ADAM12: variants seen among roughly 807,000 people sequenced by gnomAD.
ADAM12 encodes the protein ADAM metallopeptidase domain 12, also known as disintegrin and metalloproteinase domain-containing protein 12.
A neutral mutation model predicts 106.4 loss-of-function variants in ADAM12; 70 were observed. The observed-to-expected ratio is 0.66, with a 90% CI of 0.54 to 0.80. The LOEUF is 0.80. ADAM12 is among the 30% of genes least tolerant of loss of function. The pLI is 0.00. For missense variants in ADAM12, 1,010 were observed against 1,171.9 expected (o/e 0.86, Z 2.02); for synonymous variants, 420 against 433.5 (o/e 0.97, Z 0.39).
intron 2 of ADAM12, among the ~76,000 whole-genome samples, chr10:126,292,909 T>C (rs1000347010): frequency 6.6e-6 from 1 of 152,182 alleles, no homozygotes; most frequent in South Asian, 2.1e-4. Context: ...CAAAATCGCC[T>C]GGAGTGCTTA....
intron 1 of ADAM12, among the ~76,000 whole-genome samples, chr10:126,332,429 A>C (rs906367684): frequency 6.6e-6 from 1 of 152,246 alleles, no homozygotes; most frequent in African/African-American, 2.4e-5. Flanking sequence ...GATGAAAAGA[A>C]GACCATTTCA....
rs773843290 is a variant in ADAM12, at chr10:126,049,651, C to G, written c.1628G>C (p.Gly543Ala). Reference protein sequence around the residue: ...LWGPGAKPAPGICFERVNSAG... With the variant: ...LWGPGAKPAPAICFERVNSAG... ...AGAATTGACTCTCTCAAAGCAGATC[C>G]CAGGGGCAGGTTTAGCACCTGAAAC... The change falls in exon 15 of 23, where the codon GGG (glycine) becomes GCG (alanine). Residue 543 changes from glycine to alanine, a missense_variant. By Grantham distance (60) the Gly-to-Ala change is moderately conservative. This residue lies in a region of ADAM12 where 615 missense variants were observed against 708.5 expected (regional missense o/e 0.87). Coordinates refer to ENST00000448723, the MANE Select transcript of ADAM12 (RefSeq NM_001288973.2). This position sits in a 1 kb window ranked among gnomAD's most constrained non-coding sequence, Gnocchi z 4.4. 2 of 1,614,016 alleles carry G rather than the reference C, an allele frequency of 1.2e-6. No homozygotes were observed. Among genetic ancestry groups the G allele is most frequent in the Non-Finnish European group, 1.7e-6 (2 of 1,180,032 alleles).
intron 21 of ADAM12, among the ~76,000 whole-genome samples, chr10:126,023,023 A>T (rs573796795): frequency 1.7e-4 from 26 of 152,304 alleles, no homozygotes; most frequent in South Asian, 2.1e-4. Context: ...TCAACTTCAC[A>T]TGGTAAACGA....
rs1031881760 is a variant in ADAM12 at position 126,015,452 on chromosome 10, C to G, written c.*1827G>C. ...TCAGTTACAGTAATTCTGTATGTAT[C>G]TCAGCAGTATTATTTTCCAGCATGG... On this transcript the variant is annotated 3_prime_UTR_variant, in exon 23 of 23. Coordinates refer to ENST00000448723, the MANE Select transcript of ADAM12 (RefSeq NM_001288973.2). The G allele has an allele frequency of 2.6e-5, 4 of 152,144 alleles. No homozygotes were observed. The highest frequency in any genetic ancestry group is 5.9e-5 in the Non-Finnish European group (4 of 68,020). 9.4% of individuals were successfully genotyped at this position (152,144 alleles called of 1,614,324 possible).
chr10:126,079,577 C>T (rs1955173088), intron 11 of ADAM12, among the ~76,000 whole-genome samples: 1 of 152,190 alleles, frequency 6.6e-6, no homozygotes, highest in South Asian at 2.1e-4. Context: ...ATCTGCTCAT[C>T]TGTTAATGAT....
At chr10:126,060,083 T>C (rs1000393124) in intron 14 of ADAM12, among the ~76,000 whole-genome samples, 11 of 152,066 alleles carry the variant, frequency 7.2e-5, no homozygotes, top group African/African-American at 1.2e-4. Flanking sequence ...AAAATTATAC[T>C]CTCAGCCAAC....
rs1676729 is a variant in ADAM12 at position 126,157,817 on chromosome 10, C to T, written c.261-2512G>A. Among the ~76,000 whole-genome samples, 608 of 142,554 alleles carry T rather than the reference C, an allele frequency of 4.3e-3. 7 individuals carry two copies. The highest frequency in any genetic ancestry group is 0.015 in the African/African-American group (590 of 40,128). The allele number at this position is 142,554 out of a possible 152,430, so 93.5% of individuals were successfully genotyped here. A position where few individuals can be genotyped will look rare whatever the true frequency, so the allele number is the denominator to read the frequency against. ...GGGGCTGCCTGGGCAGGCTCATTCACAGGGCACCCTGGCCCTGTCACGCAG... is the reference window on the plus strand; with the variant it reads ...GGGGCTGCCTGGGCAGGCTCATTCATAGGGCACCCTGGCCCTGTCACGCAG... On this transcript the variant is annotated intron_variant, in intron 3 of 22. Transcript: ENST00000448723.
At position 126,199,520 on chromosome 10, in the gene ADAM12, T is replaced by G. The variant is rs149851183; in HGVS notation, c.261-44215A>C. ...GGATTCTACCGCAGAAACGCTCCCA[T>G]AAACCTCTGCTCATCAAGTGTCATC... On this transcript the variant is annotated intron_variant, in intron 3 of 22. Transcript: ENST00000448723. Among the ~76,000 whole-genome samples, 253 of 152,252 alleles carry G rather than the reference T, an allele frequency of 1.7e-3. 2 individuals are homozygous for G. The highest frequency in any genetic ancestry group is 6.0e-3 in the African/African-American group (248 of 41,540).
chr10:126,294,216 A>C (rs1163515082), intron 2 of ADAM12, among the ~76,000 whole-genome samples: 1 of 152,228 alleles, frequency 6.6e-6, no homozygotes, highest in Non-Finnish European at 1.5e-5. Flanking sequence ...ACAAAGTCAA[A>C]GTCATCATTA....
chr10:126,294,498 T>G (rs1358092034), intron 2 of ADAM12, among the ~76,000 whole-genome samples: 1 of 152,150 alleles, frequency 6.6e-6, no homozygotes, highest in African/African-American at 2.4e-5. Context: ...CCCGCGACAG[T>G]CTCGGCTGTT....
At chr10:126,095,353 T>C (rs978258753) in intron 10 of ADAM12, among the ~76,000 whole-genome samples, 4 of 151,614 alleles carry the variant, frequency 2.6e-5, no homozygotes, top group Admixed American at 6.6e-5. Context: ...GCTAACACAG[T>C]TAAACCCTGT....
chr10:126,139,485 T>C (rs1956470173), intron 4 of ADAM12, among the ~76,000 whole-genome samples: 1 of 152,210 alleles, frequency 6.6e-6, no homozygotes, highest in Admixed American at 6.5e-5. Context: ...GTATCTTTTT[T>C]CTATGTTGCT....
chr10:126,028,211 T>G (rs1953912244), intron 21 of ADAM12, among the ~76,000 whole-genome samples: 2 of 152,208 alleles, frequency 1.3e-5, no homozygotes. Context: ...CATTCCATGC[T>G]TATGGATAGA....
intron 2 of ADAM12, among the ~76,000 whole-genome samples, chr10:126,279,380 A>G (rs1485869123): frequency 1.3e-5 from 2 of 151,006 alleles, no homozygotes; most frequent in Non-Finnish European, 2.9e-5. Flanking sequence ...GCAGTGAGCT[A>G]TGGTCACGCC....
At chr10:126,071,001 C>T (rs1324129458) in intron 12 of ADAM12, among the ~76,000 whole-genome samples, 1 of 152,146 alleles carries the variant, frequency 6.6e-6, no homozygotes, top group Non-Finnish European at 1.5e-5. Context: ...GCAGAAGCCT[C>T]AAGTCATGCA....
chr10:126,111,825 G>T (rs1451654138), intron 6 of ADAM12, among the ~76,000 whole-genome samples: 1 of 152,050 alleles, frequency 6.6e-6, no homozygotes, highest in Non-Finnish European at 1.5e-5. Flanking sequence ...CAGGGCGGAG[G>T]TTTATTCTCC....
At chr10:126,198,131 G>A (rs1186737959) in intron 3 of ADAM12, among the ~76,000 whole-genome samples, 1 of 152,246 alleles carries the variant, frequency 6.6e-6, no homozygotes, top group Non-Finnish European at 1.5e-5. Context: ...TACGGGCCTT[G>A]CTCTCCTCCC....
At position 126,012,890 on chromosome 10, in the gene ADAM12, CAT is replaced by C. The variant is rs1461826723; in HGVS notation, c.*4387_*4388del. The C allele has an allele frequency of 6.6e-6, 1 of 152,112 alleles. No homozygotes were observed. The highest frequency in any genetic ancestry group is 2.4e-5 in the African/African-American group (1 of 41,414). 9.4% of individuals were successfully genotyped at this position (152,112 alleles called of 1,614,324 possible). On this transcript the variant is annotated 3_prime_UTR_variant, in exon 23 of 23. Transcript: ENST00000448723. ...TTTTTTTGTAAAGCTAAAATAATCA[CAT>C]GATACTTATTCTTTGGAGGATTTAA... is the stretch of plus-strand genomic sequence containing the variant.
intron 14 of ADAM12, among the ~76,000 whole-genome samples, chr10:126,063,234 G>A (rs376840114): frequency 1.3e-5 from 2 of 152,262 alleles, no homozygotes; most frequent in Middle Eastern, 3.4e-3. Context: ...CTCAGAGGCC[G>A]AGCTAAAGAG....
Sources: gnomAD v4.1 joint callset for allele counts (sites outside exome capture counted in the v4.1 genomes callset) on GRCh38, gnomAD v4.1.1 for gene constraint, gnomAD v4.1.1 regional missense constraint, Gnocchi (gnomAD v3.1) non-coding constraint, MANE v1.5 for transcripts, NCBI Gene and HGNC (gene_info 2026-07-23, HGNC 2026-07-21) for gene names.